TTLL13: variants seen among roughly 807,000 people sequenced by gnomAD.
TTLL13 encodes tubulin tyrosine ligase like 13.
the TTLL13 span, chr15:90,256,233 T>C: frequency 1.2e-6 from 2 of 1,614,188 alleles, no homozygotes; most frequent in Non-Finnish European, 1.7e-6. Flanking sequence ...GGCATCTTCA[T>C]TACCCGAAAT....
At chr15:90,257,419 A>T in the TTLL13 span, 1 of 1,318,794 alleles carries the variant, frequency 7.6e-7, no homozygotes, top group Non-Finnish European at 1.0e-6. Flanking sequence ...TCTAGCTGGG[A>T]GGCAAGTGTT....
At chr15:90,251,280 A>ATTTTTTTT in the TTLL13 span, among the ~76,000 whole-genome samples, 201 of 109,474 alleles carry the variant, frequency 1.8e-3, 10 homozygotes, top group East Asian at 0.011. Flanking sequence ...CGCATGGCAA[A>ATTTTTTTT]TTTTTTTTTT....
the TTLL13 span, among the ~76,000 whole-genome samples, chr15:90,251,280 A>ATTT: frequency 4.8e-4 from 53 of 109,494 alleles, 2 homozygotes; most frequent in Admixed American, 1.7e-3. Context: ...CGCATGGCAA[A>ATTT]TTTTTTTTTT....
At chr15:90,265,258 C>G in the TTLL13 span, 3 of 1,272,694 alleles carry the variant, frequency 2.4e-6, no homozygotes, top group Non-Finnish European at 3.0e-6. Flanking sequence ...GGTCTGAACC[C>G]TAGGTGCGGC....
chr15:90,257,343 A>C, the TTLL13 span: 1 of 1,557,120 alleles, frequency 6.4e-7, no homozygotes, highest in Non-Finnish European at 8.7e-7. Context: ...TCTCTAGAGA[A>C]ACATGGTAGA....
At chr15:90,262,851 TC>T in the TTLL13 span, 5 of 1,308,056 alleles carry the variant, frequency 3.8e-6, no homozygotes, top group Non-Finnish European at 5.1e-6. Context: ...AAAGGAACCT[TC>T]CTGGGTCAGG....
the TTLL13 span, among the ~76,000 whole-genome samples, chr15:90,261,126 T>C: frequency 2.0e-5 from 3 of 150,712 alleles, 1 homozygote; most frequent in South Asian, 6.3e-4. Flanking sequence ...TCATCTAGGC[T>C]GGAGTGCAGT....
chr15:90,258,220 T>A, the TTLL13 span: 161 of 1,614,272 alleles, frequency 1.0e-4, 1 homozygote, highest in Middle Eastern at 8.6e-3. Flanking sequence ...TTTGAAATCC[T>A]TGGTTTTGAC....
chr15:90,250,658 G>T, the TTLL13 span: 8 of 1,613,982 alleles, frequency 5.0e-6, no homozygotes, highest in African/African-American at 1.3e-5. Flanking sequence ...TAGGACCATG[G>T]AATCAGAGGA....
chr15:90,258,883 C>A, the TTLL13 span: 1 of 1,614,132 alleles, frequency 6.2e-7, no homozygotes. Context: ...AGCGGCGAGT[C>A]AAGGAACGGC....
chr15:90,252,201 G>A, the TTLL13 span, among the ~76,000 whole-genome samples: 6 of 152,010 alleles, frequency 3.9e-5, no homozygotes, highest in Non-Finnish European at 5.9e-5. Flanking sequence ...CACCACATCT[G>A]GCTAATTTTG....
the TTLL13 span, among the ~76,000 whole-genome samples, chr15:90,261,083 C>CT: frequency 0.013 from 1,879 of 140,884 alleles, 33 homozygotes; most frequent in African/African-American, 0.031. Flanking sequence ...TTCTTGTTTT[C>CT]TTTTTTTTTT....
the TTLL13 span, among the ~76,000 whole-genome samples, chr15:90,261,466 C>G: frequency 4.0e-5 from 6 of 151,318 alleles, no homozygotes; most frequent in African/African-American, 1.5e-4. Context: ...TGATAATGGA[C>G]TGCTAGCTTA....
the TTLL13 span, among the ~76,000 whole-genome samples, chr15:90,256,543 CTTTTTCTTTCTTTCTTTCTT>C: frequency 7.1e-6 from 1 of 141,100 alleles, no homozygotes; most frequent in African/African-American, 2.6e-5. Context: ...TGTCTCCTTC[CTTTTTCTTTCTTTCTTTCTT>C]TCTTTCTTTC....
At chr15:90,254,346 AAC>A in the TTLL13 span, among the ~76,000 whole-genome samples, 715 of 151,776 alleles carry the variant, frequency 4.7e-3, 2 homozygotes, top group African/African-American at 0.016. Flanking sequence ...TACAAAAATT[AAC>A]CAGGCATGGT....
the TTLL13 span, chr15:90,253,400 G>T: frequency 6.5e-7 from 1 of 1,544,844 alleles, no homozygotes; most frequent in Non-Finnish European, 8.9e-7. Flanking sequence ...GCCGACAGGG[G>T]CTAGGGCCCC....
chr15:90,255,359 T>C, the TTLL13 span, among the ~76,000 whole-genome samples: 8 of 152,180 alleles, frequency 5.3e-5, no homozygotes, highest in Non-Finnish European at 1.2e-4. Context: ...CTTAGTTTCC[T>C]TTTATCTTTT....
chr15:90,256,372 G>A, the TTLL13 span: 3 of 1,584,882 alleles, frequency 1.9e-6, no homozygotes, highest in Non-Finnish European at 2.6e-6. Flanking sequence ...CAAAAGCCAG[G>A]GAGGAAGCTG....
chr15:90,263,136 TGA>T, the TTLL13 span: 3 of 1,525,766 alleles, frequency 2.0e-6, no homozygotes, highest in Non-Finnish European at 2.6e-6. Flanking sequence ...AAAAACTTCA[TGA>T]GAGTCGGGTG....
Sources: gnomAD v4.1 joint callset for allele counts (sites outside exome capture counted in the v4.1 genomes callset) on GRCh38, gnomAD v4.1.1 for gene constraint, MANE v1.5 for transcripts, NCBI Gene and HGNC (gene_info 2026-07-23, HGNC 2026-07-21) for gene names.